The following TRMT44 variants were observed in gnomAD, a reference collection of about 807,000 sequenced individuals.
The protein encoded by TRMT44 is tRNA methyltransferase 44 homolog, also known as probable tRNA (uracil-O(2)-)-methyltransferase.
In TRMT44, 78 loss-of-function variants were observed where a neutral mutation model predicts 77.3. The ratio of observed to expected loss-of-function variants is 1.01; its 90% CI spans 0.84 to 1.22. The LOEUF (loss-of-function observed/expected upper bound fraction) is 1.22, where lower values mean the gene tolerates loss of function less well. Ranked by LOEUF, TRMT44 falls within the 50% of genes most tolerant of loss-of-function variation. The pLI is 0.00. For synonymous variants in TRMT44, 391 were observed against 383.3 expected (o/e 1.02, Z -0.23); for missense variants, 1,090 against 964.4 (o/e 1.13, Z -1.73).
At chr4:8,458,650 T>G (rs1725963707) in intron 6 of TRMT44, among the ~76,000 whole-genome samples, 1 of 151,788 alleles carries the variant, frequency 6.6e-6, no homozygotes, top group Non-Finnish European at 1.5e-5. Context: ...AGATGGGGTT[T>G]CACCATGTTG....
intron 2 of TRMT44, among the ~76,000 whole-genome samples, chr4:8,484,222 C>T (rs1050382587): frequency 6.6e-6 from 1 of 152,036 alleles, no homozygotes; most frequent in East Asian, 1.9e-4. Flanking sequence ...GGGTGAACGT[C>T]AGGTGGATCA....
rs576421639 is a variant in TRMT44 at position 8,475,937 on chromosome 4, C to A, written c.2210C>A (p.Pro737Gln). Residue 737 changes from proline to glutamine, a missense_variant, in exon 11 of 11, where the codon CCG becomes CAG. Pro to Gln is a moderately conservative substitution (Grantham distance 76). Transcript: ENST00000389737. ...DGCALSTDCCPFAHGPAELRP... is the reference protein window; with the variant it reads ...DGCALSTDCCQFAHGPAELRP... Reference sequence around the variant, plus strand: ...TGCGCTCTGTCCACGGACTGCTGCCCGTTTGCCCATGGGCCTGCGGAGCTG... The same window carrying A: ...TGCGCTCTGTCCACGGACTGCTGCCAGTTTGCCCATGGGCCTGCGGAGCTG... 1.2e-6 allele frequency: 2 copies of A among 1,614,196 alleles called. No homozygotes were observed. Among genetic ancestry groups the A allele is most frequent in the Admixed American group, 1.7e-5 (1 of 60,032 alleles).
intron 8 of TRMT44, among the ~76,000 whole-genome samples, chr4:8,466,168 A>G (rs555753132): frequency 6.6e-6 from 1 of 152,338 alleles, no homozygotes; most frequent in Admixed American, 6.5e-5. Context: ...GTCTCTGGTA[A>G]CTTTATTTGA....
rs566364135 is a variant in TRMT44 at position 8,451,621 on chromosome 4, C to T, written c.955-339C>T. Among the ~76,000 whole-genome samples the T allele has an allele frequency of 1.3e-5, 2 of 152,314 alleles. No individual in the cohort carries two copies. The highest frequency in any genetic ancestry group is 1.9e-4 in the East Asian group (1 of 5,180). ...TCTCCCTGCCCTAGTTTCACTCCCA[C>T]GCCTAGTTTCCTTGTTTGTTGCCCT... On this transcript the variant is annotated intron_variant, in intron 3 of 10. Coordinates refer to ENST00000389737, the MANE Select transcript of TRMT44 (RefSeq NM_152544.3). The surrounding 1 kb of genome is among the most constrained non-coding windows in gnomAD (Gnocchi z 4.1).
At chr4:8,466,374 G>A (rs1249329767) in intron 8 of TRMT44, among the ~76,000 whole-genome samples, 1 of 152,236 alleles carries the variant, frequency 6.6e-6, no homozygotes, top group Admixed American at 6.5e-5. Context: ...ACCAGGAGGA[G>A]GCTGCCCGGG....
rs1384183072 is a variant in TRMT44 at position 8,440,778 on chromosome 4, T to A, written c.-45T>A. 1.4e-6 allele frequency: 2 copies of A among 1,380,064 alleles called. No individual in the cohort carries two copies. Among genetic ancestry groups the A allele is most frequent in the Admixed American group, 6.9e-5 (2 of 29,042 alleles). The allele number at this position is 1,380,064 out of a possible 1,614,324, so 85.5% of individuals were successfully genotyped here. A position where few individuals can be genotyped will look rare whatever the true frequency, so the allele number is the denominator to read the frequency against. On this transcript the variant is annotated 5_prime_UTR_variant, in exon 1 of 11. Transcript: ENST00000389737. ...CAACGCGCCGCGCCACCGGGCTGCG[T>A]CATCTCGGCGCGCCGCTGCCAGGGC...
At chr4:8,490,787 T>C (rs993672912) in intron 2 of TRMT44, among the ~76,000 whole-genome samples, 1 of 152,128 alleles carries the variant, frequency 6.6e-6, no homozygotes, top group African/African-American at 2.4e-5. Context: ...CAGCCTGCTT[T>C]TATTCTCTTA....
chr4:8,500,473 G>T, the TRMT44 span, among the ~76,000 whole-genome samples: 8 of 151,930 alleles, frequency 5.3e-5, no homozygotes, highest in Non-Finnish European at 1.0e-4. Context: ...TCCAGCCTGG[G>T]CAACAGAGCG....
At chr4:8,488,454 G>A (rs767407207) in intron 2 of TRMT44, among the ~76,000 whole-genome samples, 5 of 152,240 alleles carry the variant, frequency 3.3e-5, no homozygotes, top group Non-Finnish European at 2.9e-5. Flanking sequence ...GTGGACAGGA[G>A]TGGGGGTCGC....
chr4:8,515,756 C>T, the TRMT44 span, among the ~76,000 whole-genome samples: 1 of 152,332 alleles, frequency 6.6e-6, no homozygotes, highest in East Asian at 1.9e-4. Context: ...AGTTCACTCC[C>T]AGTGCCCTCA....
intron 2 of TRMT44, among the ~76,000 whole-genome samples, chr4:8,447,084 C>T (rs879364768): frequency 6.6e-6 from 1 of 152,132 alleles, no homozygotes; most frequent in Non-Finnish European, 1.5e-5. Flanking sequence ...CCATGTTGGC[C>T]AGGCTGGTAT....
At chr4:8,460,710 C>T (rs1726097768) in intron 6 of TRMT44, among the ~76,000 whole-genome samples, 1 of 152,124 alleles carries the variant, frequency 6.6e-6, no homozygotes, top group Admixed American at 6.5e-5. Context: ...CGCACCACCA[C>T]TACGCCTGAC....
chr4:8,465,454 A>G lies in TRMT44; in HGVS notation c.1387A>G (p.Ser463Gly). The G allele has an allele frequency of 1.9e-6, 3 of 1,614,200 alleles. No individual in the cohort carries two copies. The highest frequency in any genetic ancestry group is 2.5e-6 in the Non-Finnish European group (3 of 1,180,026). ...CATTGGAAGATACTCCCGGAGGCAG[A>G]GTAAGAAGACTCAGTACCGGGAATA... ...DFIGRYSRRQ[S>G]KKTQYREYLD... is the part of the protein sequence containing the mutation. Residue 463 changes from serine to glycine, a missense_variant, in exon 8 of 11, where the codon AGT (serine) becomes GGT (glycine). Transcript: ENST00000389737.
chr4:8,450,341 CAT>C (rs1320509705), intron 3 of TRMT44, among the ~76,000 whole-genome samples: 1 of 151,402 alleles, frequency 6.6e-6, no homozygotes, highest in Admixed American at 6.6e-5. Flanking sequence ...ACAACAAAAA[CAT>C]AGACAGATAT....
At chr4:8,479,629 ATTGGGGCC>A (rs1171730492), downstream of TRMT44, 3 of 152,156 alleles carry the variant, frequency 2.0e-5, no homozygotes, top group African/African-American at 7.2e-5. Context: ...GCTTCAGCTG[ATTGGGGCC>A]TGTGGACAAG....
chr4:8,514,688 T>G, the TRMT44 span, among the ~76,000 whole-genome samples: 1 of 152,162 alleles, frequency 6.6e-6, no homozygotes, highest in East Asian at 1.9e-4. Context: ...TGAGGTCATG[T>G]TCTACAGTTT....
intron 6 of TRMT44, chr4:8,455,092 T>G: frequency 1.9e-6 from 1 of 517,362 alleles, no homozygotes; most frequent in Non-Finnish European, 3.4e-6. Context: ...TGTGGGGTGC[T>G]CCCGTGCAGC....
chr4:8,501,812 C>A, the TRMT44 span, among the ~76,000 whole-genome samples: 931 of 152,272 alleles, frequency 6.1e-3, 6 homozygotes, highest in Middle Eastern at 0.017. The surrounding 1 kb of genome is among the most constrained non-coding windows in gnomAD (Gnocchi z 4.4). Context: ...GCTCAGCAGC[C>A]CCTGTCCTTT....
Position 8,452,974 on chromosome 4 carries a change from C to A in TRMT44, c.1116C>A (p.Ile372=), listed in dbSNP as rs940057123. Residue 372 remains isoleucine, a synonymous_variant, in exon 5 of 11, where the codon ATC becomes ATA. Coordinates refer to ENST00000389737, the MANE Select transcript of TRMT44 (RefSeq NM_152544.3). The surrounding 1 kb of genome is among the most constrained non-coding windows in gnomAD (Gnocchi z 5.7). ...LGCGNGLLVH[I]LSSEGHPGRG... ...GTGGAAATGGCCTCCTGGTCCACAT[C>A]CTGAGCAGTGAGGGGGTAAGGCCCG... The A allele has an allele frequency of 6.6e-7, 1 of 1,525,226 alleles. No homozygotes were observed. The highest frequency in any genetic ancestry group is 1.4e-5 in the African/African-American group (1 of 72,234). The allele number at this position is 1,525,226 out of a possible 1,614,324, so 94.5% of individuals were successfully genotyped here.
Sources: allele counts gnomAD v4.1 joint callset (sites outside exome capture counted in the v4.1 genomes callset), GRCh38; gene constraint gnomAD v4.1.1; non-coding constraint Gnocchi (gnomAD v3.1); transcripts MANE v1.5; gene names NCBI Gene and HGNC (gene_info 2026-07-23, HGNC 2026-07-21).